The following ANKS1B variants were observed in gnomAD, a reference collection of about 807,000 sequenced individuals.
ANKS1B encodes ankyrin repeat and sterile alpha motif domain-containing protein 1B.
In ANKS1B, 36 loss-of-function variants were observed where a neutral mutation model predicts 148.3. That is an observed-to-expected ratio of 0.24 (90% confidence interval 0.19 to 0.32). The LOEUF (loss-of-function observed/expected upper bound fraction) is 0.32. Among genes scored for constraint, ANKS1B ranks in the 10% least tolerant of loss-of-function variants. ANKS1B has a pLI of 1.00. For synonymous variants in ANKS1B, 542 were observed against 560.8 expected, an observed-to-expected ratio of 0.97 and a Z score of 0.47; for missense variants, 1,157 against 1,542.6, an observed-to-expected ratio of 0.75 and a Z score of 4.19.
In ANKS1B at chr12:98,978,673, T is replaced by C. The variant is rs149795938; in HGVS notation, c.2778+74484A>G. 4.7e-4 allele frequency among the ~76,000 whole-genome samples: 72 copies of C among 152,264 alleles called. No homozygotes were observed. In the East Asian group the frequency reaches 0.012, roughly 26 times the overall value. ...TTCCATTTTTTGTCTTTAAATAATA[T>C]ACCAATTAATGTATAACGTGATCCT... On this transcript the variant is annotated intron_variant, in intron 17 of 26. Coordinates refer to ENST00000683438, the MANE Select transcript of ANKS1B (RefSeq NM_001352186.2).
intron 10 of ANKS1B, among the ~76,000 whole-genome samples, chr12:99,502,365 T>C (rs2096664156): frequency 6.6e-6 from 1 of 152,168 alleles, no homozygotes; most frequent in South Asian, 2.1e-4. Context: ...TGGGTCACTT[T>C]CTATTATTTG....
At chr12:99,842,505 G>A (rs941271041) in intron 1 of ANKS1B, among the ~76,000 whole-genome samples, 3 of 152,064 alleles carry the variant, frequency 2.0e-5, no homozygotes, top group Admixed American at 1.3e-4. Flanking sequence ...CCACCCTTGA[G>A]ATCTTATCAG....
chr12:99,703,760 T>C (rs1368943116), intron 8 of ANKS1B, among the ~76,000 whole-genome samples: 1 of 152,160 alleles, frequency 6.6e-6, no homozygotes, highest in African/African-American at 2.4e-5. Context: ...ATCACTATCC[T>C]ATAAGGTATA....
intron 11 of ANKS1B, among the ~76,000 whole-genome samples, chr12:99,439,741 T>A (rs1043554239): frequency 4.0e-5 from 6 of 151,682 alleles, no homozygotes; most frequent in African/African-American, 1.5e-4. Flanking sequence ...TTGGGAAGCT[T>A]TTTATAAAGT....
At chr12:99,242,559 A>C (rs1472293619) in intron 14 of ANKS1B, among the ~76,000 whole-genome samples, 6 of 152,196 alleles carry the variant, frequency 3.9e-5, no homozygotes, top group Admixed American at 1.3e-4. Context: ...ATTCATATGG[A>C]ACCAAAAAAG....
At chr12:98,892,475 A>G (rs954955943) in intron 17 of ANKS1B, among the ~76,000 whole-genome samples, 8 of 152,216 alleles carry the variant, frequency 5.3e-5, no homozygotes, top group African/African-American at 7.2e-5. Context: ...CTAACTTTAA[A>G]CAAATATAGT....
At position 99,084,895 on chromosome 12, in the gene ANKS1B, C is replaced by T. The variant is rs562025893; in HGVS notation, c.2625+30G>A. 8.3e-6 allele frequency: 13 copies of T among 1,557,078 alleles called. No individual in the cohort carries two copies. In the South Asian group the frequency reaches 1.5e-4, roughly 18 times the overall value. The stretch of plus-strand genomic sequence containing the variant: ...ACTCAAAATCACTGGGAACCGTACA[C>T]AGGACTAGGGCAATAAAAGTATTGC... On this transcript the variant is annotated intron_variant, in intron 16 of 26. Coordinates refer to ENST00000683438, the MANE Select transcript of ANKS1B (RefSeq NM_001352186.2).
chr12:99,335,570 G>C (rs1201626045), intron 12 of ANKS1B, among the ~76,000 whole-genome samples: 1 of 151,770 alleles, frequency 6.6e-6, no homozygotes, highest in Admixed American at 6.6e-5. Context: ...TTAATTTTTA[G>C]CTCCCATAAA....
At chr12:98,912,281 T>G (rs551115310) in intron 17 of ANKS1B, among the ~76,000 whole-genome samples, 4 of 152,314 alleles carry the variant, frequency 2.6e-5, no homozygotes, top group African/African-American at 7.2e-5. Context: ...ATCACGACTC[T>G]GAGCATAATG....
rs2094168533 is a variant in ANKS1B, at chr12:99,916,285, G to A, written c.134+67819C>T. ...ACAGAGTATATGGCACCATATGCCA[G>A]TATATACACTGGTGAAAGTGGAATA... On this transcript the variant is annotated intron_variant, in intron 1 of 26. Coordinates refer to ENST00000683438, the MANE Select transcript of ANKS1B (RefSeq NM_001352186.2). 2.6e-5 allele frequency among the ~76,000 whole-genome samples: 4 copies of A among 152,262 alleles called. No homozygotes were observed. The South Asian group carries it at 8.3e-4, about 32-fold the overall frequency.
chr12:99,969,238 G>A (rs1222426348), intron 1 of ANKS1B, among the ~76,000 whole-genome samples: 1 of 152,118 alleles, frequency 6.6e-6, no homozygotes, highest in Non-Finnish European at 1.5e-5. Flanking sequence ...GAGTACAGTG[G>A]CATGATCATA....
intron 12 of ANKS1B, among the ~76,000 whole-genome samples, chr12:99,309,638 C>A (rs1156823663): frequency 6.6e-6 from 1 of 151,976 alleles, no homozygotes; most frequent in Non-Finnish European, 1.5e-5. Flanking sequence ...AATATACATG[C>A]ATATAAAATA....
At chr12:98,983,386 C>A (rs140479793) in intron 17 of ANKS1B, among the ~76,000 whole-genome samples, 1 of 152,128 alleles carries the variant, frequency 6.6e-6, no homozygotes, top group African/African-American at 2.4e-5. Context: ...TCAATGGAGA[C>A]CCTCCTTTGC....
chr12:98,846,799 T>C lies in ANKS1B; in HGVS notation c.2779-14663A>G, dbSNP rs79962497. ...GAGTTAAATACTACTTTTGAACAAA[T>C]AATAGCAAAAGAACAATTAACGGCA... On this transcript the variant is annotated intron_variant, in intron 17 of 26. Coordinates refer to ENST00000683438, the MANE Select transcript of ANKS1B (RefSeq NM_001352186.2). 1.2e-3 allele frequency among the ~76,000 whole-genome samples: 181 copies of C among 152,332 alleles called. 2 individuals are homozygous for C. In the East Asian group the frequency reaches 0.029, roughly 25 times the overall value.
At chr12:99,350,969 A>C (rs912558249) in intron 12 of ANKS1B, among the ~76,000 whole-genome samples, 1 of 152,108 alleles carries the variant, frequency 6.6e-6, no homozygotes, top group Non-Finnish European at 1.5e-5. Context: ...CTCTTTTCCC[A>C]AATCATTCTC....
chr12:99,165,556 A>C (rs904058084), intron 14 of ANKS1B, among the ~76,000 whole-genome samples: 1 of 151,964 alleles, frequency 6.6e-6, no homozygotes, highest in Non-Finnish European at 1.5e-5. Flanking sequence ...GAAGCAAGGT[A>C]CCAAACCTCA....
chr12:99,149,152 G>T (rs1053693150), intron 15 of ANKS1B, among the ~76,000 whole-genome samples: 4 of 152,034 alleles, frequency 2.6e-5, no homozygotes, highest in African/African-American at 2.4e-5. Context: ...ATCACAATAT[G>T]CTACTAAGAT....
chr12:99,162,284 A>T (rs1157631148), intron 14 of ANKS1B, among the ~76,000 whole-genome samples: 1 of 152,172 alleles, frequency 6.6e-6, no homozygotes, highest in Non-Finnish European at 1.5e-5. Flanking sequence ...CACTAAAAAC[A>T]ACTGAATTGT....
At chr12:99,750,598 G>A (rs1212552573) in intron 8 of ANKS1B, among the ~76,000 whole-genome samples, 2 of 152,014 alleles carry the variant, frequency 1.3e-5, no homozygotes, top group African/African-American at 4.8e-5. Context: ...CTTGCAGTTT[G>A]GGACAGCCAT....
Sources: gnomAD v4.1 joint callset for allele counts (sites outside exome capture counted in the v4.1 genomes callset) on GRCh38, gnomAD v4.1.1 for gene constraint, MANE v1.5 for transcripts, NCBI Gene and HGNC (gene_info 2026-07-23, HGNC 2026-07-21) for gene names.